PRKN: variants seen among roughly 807,000 people sequenced by gnomAD.
PRKN encodes parkin RBR E3 ubiquitin protein ligase.
A neutral mutation model predicts 59.5 loss-of-function variants in PRKN; 56 were observed. The observed-to-expected ratio is 0.94, with a 90% CI of 0.76 to 1.18. The LOEUF (loss-of-function observed/expected upper bound fraction) is 1.18, where lower values mean the gene tolerates loss of function less well. Ranked by LOEUF, PRKN falls within the 50% of genes most tolerant of loss-of-function variation. PRKN has a pLI of 0.00. For missense variants in PRKN, 657 were observed against 596.4 expected (o/e 1.10, Z -1.06); for synonymous variants, 250 against 222.1 (o/e 1.13, Z -1.12).
intron 1 of PRKN, among the ~76,000 whole-genome samples, chr6:162,677,593 G>A (rs1460998171): frequency 2.0e-5 from 3 of 151,626 alleles, no homozygotes; most frequent in Non-Finnish European, 1.5e-5. Flanking sequence ...CAATTATACT[G>A]GCCTGGAACT....
At chr6:162,473,916 G>T (rs1485065680) in intron 1 of PRKN, among the ~76,000 whole-genome samples, 1 of 152,074 alleles carries the variant, frequency 6.6e-6, no homozygotes, top group Non-Finnish European at 1.5e-5. Context: ...ATAGATGTAG[G>T]TTAGCCTTTC....
chr6:162,092,349 T>TGAAAAAA (rs919173661), intron 4 of PRKN, among the ~76,000 whole-genome samples: 1 of 151,250 alleles, frequency 6.6e-6, no homozygotes, highest in African/African-American at 2.4e-5. Context: ...GTGAGTCTAA[T>TGAAAAAA]GAAAAAATAA....
intron 7 of PRKN, among the ~76,000 whole-genome samples, chr6:161,721,479 T>C (rs1453773691): frequency 1.3e-5 from 2 of 151,866 alleles, no homozygotes; most frequent in Non-Finnish European, 2.9e-5. Context: ...CAGATCTACA[T>C]AGAGGACACT....
intron 2 of PRKN, among the ~76,000 whole-genome samples, chr6:162,414,552 A>AG (rs113005058): frequency 6.7e-6 from 1 of 148,852 alleles, no homozygotes; most frequent in South Asian, 2.1e-4. Context: ...ACTAAAATAC[A>AG]AAAAAAAAAT....
intron 5 of PRKN, among the ~76,000 whole-genome samples, chr6:162,031,566 A>T (rs1471487489): frequency 3.7e-5 from 5 of 135,298 alleles, no homozygotes; most frequent in Admixed American, 2.2e-4. Context: ...ATAGCATTTC[A>T]CTCTTGTTGT....
chr6:162,028,220 C>CTGAT (rs1783509305), intron 5 of PRKN, among the ~76,000 whole-genome samples: 1 of 152,100 alleles, frequency 6.6e-6, no homozygotes, highest in Non-Finnish European at 1.5e-5. Flanking sequence ...TGTTTTTAAC[C>CTGAT]TGATAGGTAG....
At chr6:162,243,864 C>A (rs1404496459) in intron 3 of PRKN, among the ~76,000 whole-genome samples, 1 of 152,018 alleles carries the variant, frequency 6.6e-6, no homozygotes, top group Non-Finnish European at 1.5e-5. Flanking sequence ...TCCTTCCAAT[C>A]ATGAAGGACT....
chr6:161,523,318 A>G (rs1423546796), intron 9 of PRKN, among the ~76,000 whole-genome samples: 1 of 152,214 alleles, frequency 6.6e-6, no homozygotes, highest in Non-Finnish European at 1.5e-5. Flanking sequence ...GTTTATTTTA[A>G]GTCAGTGTGG....
intron 7 of PRKN, among the ~76,000 whole-genome samples, chr6:161,601,784 G>A (rs989440697): frequency 1.8e-4 from 28 of 151,918 alleles, no homozygotes; most frequent in African/African-American, 6.0e-4. Context: ...GGGTTTCACC[G>A]TGTTAGCCAG....
chr6:161,465,523 T>C (rs1790421951), intron 9 of PRKN, among the ~76,000 whole-genome samples: 1 of 152,032 alleles, frequency 6.6e-6, no homozygotes, highest in Admixed American at 6.6e-5. Context: ...TATACTTTTT[T>C]CTTTCCATAT....
chr6:161,514,727 T>G (rs559255324), intron 9 of PRKN, among the ~76,000 whole-genome samples: 5 of 152,138 alleles, frequency 3.3e-5, no homozygotes, highest in Admixed American at 6.5e-5. Flanking sequence ...ACCCAGTGAC[T>G]AGGGGCTGAA....
intron 1 of PRKN, among the ~76,000 whole-genome samples, chr6:162,557,942 T>C (rs990467892): frequency 6.6e-6 from 1 of 152,180 alleles, no homozygotes; most frequent in Non-Finnish European, 1.5e-5. Context: ...AATCAGATCA[T>C]GGGGGAAGCT....
chr6:161,704,493 G>A (rs945709791), intron 7 of PRKN, among the ~76,000 whole-genome samples: 4 of 151,932 alleles, frequency 2.6e-5, no homozygotes, highest in South Asian at 2.1e-4. Flanking sequence ...TATCTCACCC[G>A]CTGAATCTGG....
chr6:162,425,714 A>G (rs1465201783), intron 2 of PRKN, among the ~76,000 whole-genome samples: 1 of 152,234 alleles, frequency 6.6e-6, no homozygotes, highest in Non-Finnish European at 1.5e-5. Flanking sequence ...AAAGTGATGA[A>G]GAACTTAGAG....
chr6:161,695,956 T>C (rs192236375), intron 7 of PRKN, among the ~76,000 whole-genome samples: 69 of 152,308 alleles, frequency 4.5e-4, no homozygotes, highest in African/African-American at 1.6e-3. Flanking sequence ...GGACAGAGGC[T>C]GAAGAAGTGT....
At chr6:162,244,292 T>C (rs971851364) in intron 3 of PRKN, among the ~76,000 whole-genome samples, 2 of 152,038 alleles carry the variant, frequency 1.3e-5, no homozygotes, top group African/African-American at 4.8e-5. Flanking sequence ...GGTCTAGGGC[T>C]GGGCACATTC....
intron 1 of PRKN, among the ~76,000 whole-genome samples, chr6:162,467,426 A>G (rs1170737527): frequency 6.6e-6 from 1 of 152,116 alleles, no homozygotes; most frequent in African/African-American, 2.4e-5. Context: ...CCCGCTCCTC[A>G]TCCAGCCTCC....
At chr6:161,856,927 A>G (rs1451958109) in intron 6 of PRKN, among the ~76,000 whole-genome samples, 2 of 152,148 alleles carry the variant, frequency 1.3e-5, no homozygotes, top group Admixed American at 1.3e-4. Context: ...GCATTTGCTT[A>G]GATAAAAAGT....
intron 1 of PRKN, among the ~76,000 whole-genome samples, chr6:162,548,436 T>C (rs1779206989): frequency 2.0e-5 from 3 of 152,038 alleles, no homozygotes; most frequent in Admixed American, 2.0e-4. Context: ...TGAGAGAAAA[T>C]CATGCCTCAA....
Sources: gnomAD v4.1 joint callset for allele counts (sites outside exome capture counted in the v4.1 genomes callset) on GRCh38, gnomAD v4.1.1 for gene constraint, MANE v1.5 for transcripts, NCBI Gene and HGNC (gene_info 2026-07-23, HGNC 2026-07-21) for gene names.